MAP2K5: variants seen among roughly 807,000 people sequenced by gnomAD.
MAP2K5 encodes dual specificity mitogen-activated protein kinase kinase 5.
Under a neutral mutation model 83.1 loss-of-function variants are expected in MAP2K5, and 49 were observed. The observed-to-expected ratio is 0.59, with a 90% CI of 0.47 to 0.75. The LOEUF (loss-of-function observed/expected upper bound fraction) is 0.75, where lower values mean the gene tolerates loss of function less well. Ranked by LOEUF, MAP2K5 falls within the 30% of genes least tolerant of loss-of-function variation. MAP2K5 has a pLI of 0.00. For synonymous variants in MAP2K5, 202 were observed against 191.8 expected (o/e 1.05, Z -0.44); for missense variants, 457 against 557.5 (o/e 0.82, Z 1.82).
rs1459770713 is a variant in MAP2K5, at chr15:67,769,218, G to A, written c.1135-384G>A. 6.6e-6 allele frequency among the ~76,000 whole-genome samples: 1 copy of A among 152,102 alleles called. No individual in the cohort carries two copies. Among genetic ancestry groups the A allele is most frequent in the African/African-American group, 2.4e-5 (1 of 41,420 alleles). ...AAAGTGTAAATAAATAGCAAATCCA[G>A]TAAAAGAAACAAAGGTCAACACAAG... On this transcript the variant is annotated intron_variant, in intron 19 of 21. Coordinates refer to ENST00000178640, the MANE Select transcript of MAP2K5 (RefSeq NM_145160.3). The surrounding 1 kb of genome is among the most constrained non-coding windows in gnomAD (Gnocchi z 5.2).
At position 67,686,571 on chromosome 15, in the gene MAP2K5, C is replaced by T. The variant is rs143341514; in HGVS notation, c.848-5908C>T. The stretch of plus-strand genomic sequence containing the variant: ...TGAGCCAAGATCACATCACTGCACT[C>T]CAGCCTGGGCAACAGAGTGAGACTG... On this transcript the variant is annotated intron_variant, in intron 13 of 21. Transcript: ENST00000178640. 3.1e-3 allele frequency among the ~76,000 whole-genome samples: 478 copies of T among 151,936 alleles called. 6 individuals carry two copies. The highest frequency in any genetic ancestry group is 0.011 in the African/African-American group (448 of 41,378).
chr15:67,637,909 G>GGT lies in MAP2K5; in HGVS notation c.585+6982_585+6983insGT, dbSNP rs2086637363. Reference sequence around the variant, plus strand: ...AATGTCCAATGTCTGGAAGCCTGTTGATGTGTGTGTGAGTGTGTGTGTATG... The same window carrying GGT: ...AATGTCCAATGTCTGGAAGCCTGTTGGTATGTGTGTGTGAGTGTGTGTGTATG... On this transcript the variant is annotated intron_variant, in intron 9 of 21. Transcript: ENST00000178640. The surrounding 1 kb of genome is among the most constrained non-coding windows in gnomAD (Gnocchi z 4.5). 7.4e-5 allele frequency among the ~76,000 whole-genome samples: 2 copies of GGT among 27,084 alleles called. No individual in the cohort carries two copies. Among genetic ancestry groups the GGT allele is most frequent in the African/African-American group, 2.4e-4 (2 of 8,372 alleles). The allele number at this position is 27,084 out of a possible 152,430, so 17.8% of individuals were successfully genotyped here.
chr15:67,766,198 G>A (rs183364135), intron 19 of MAP2K5, among the ~76,000 whole-genome samples: 1 of 152,294 alleles, frequency 6.6e-6, no homozygotes, highest in Admixed American at 6.5e-5. Flanking sequence ...CCCAGCTTGT[G>A]TCCCTTCAGC....
In MAP2K5 at chr15:67,708,049, C is replaced by T. The variant is rs937119943; in HGVS notation, c.1044+4641C>T. Among the ~76,000 whole-genome samples, 5 of 152,182 alleles carry T rather than the reference C, an allele frequency of 3.3e-5. No individual in the cohort carries two copies. Among genetic ancestry groups the T allele is most frequent in the Non-Finnish European group, 5.9e-5 (4 of 68,030 alleles). ...ATCAAATACAGGCTAGGCCTGGCGG[C>T]TCATTCCTGTAATACCAGCACTTTG... On this transcript the variant is annotated intron_variant, in intron 16 of 21. Transcript: ENST00000178640. This position sits in a 1 kb window ranked among gnomAD's most constrained non-coding sequence, Gnocchi z 4.9.
At chr15:67,544,200 A>C (rs1306265197) in intron 1 of MAP2K5, among the ~76,000 whole-genome samples, 1 of 152,218 alleles carries the variant, frequency 6.6e-6, no homozygotes, top group East Asian at 1.9e-4. Flanking sequence ...GCCTGAGCAA[A>C]CTTAAAGCAT....
At chr15:67,601,332 G>T (rs1407948918) in intron 8 of MAP2K5, among the ~76,000 whole-genome samples, 1 of 152,144 alleles carries the variant, frequency 6.6e-6, no homozygotes, top group African/African-American at 2.4e-5. Context: ...CTTAAAAAAT[G>T]CTAGCCATAA....
intron 16 of MAP2K5, among the ~76,000 whole-genome samples, chr15:67,707,127 G>A (rs2088574180): frequency 6.6e-6 from 1 of 152,162 alleles, no homozygotes; most frequent in African/African-American, 2.4e-5. Context: ...ATGTTAGCCA[G>A]GATGGCCTCG....
intron 19 of MAP2K5, among the ~76,000 whole-genome samples, chr15:67,765,845 G>T (rs2090031857): frequency 1.3e-5 from 2 of 152,194 alleles, no homozygotes; most frequent in Non-Finnish European, 2.9e-5. Flanking sequence ...TACCCAGAGA[G>T]AGTCCAGTTG....
chr15:67,790,269 C>T lies in MAP2K5; in HGVS notation c.1243-16377C>T, dbSNP rs985874565. 3.3e-5 allele frequency among the ~76,000 whole-genome samples: 5 copies of T among 152,244 alleles called. No homozygotes were observed. In the East Asian group the frequency reaches 9.6e-4, roughly 29 times the overall value. On this transcript the variant is annotated intron_variant, in intron 21 of 21. Transcript: ENST00000178640. This position sits in a 1 kb window ranked among gnomAD's most constrained non-coding sequence, Gnocchi z 4.6. ...TCCTGATGGAGCCCTGACCAGCAAG[C>T]GTGCAATGCCCCTAGCCCTAATGTG...
At position 67,748,194 on chromosome 15, in the gene MAP2K5, G is replaced by T. The variant is rs772521580; in HGVS notation, c.1075-37G>T. 5 of 1,528,552 alleles carry T rather than the reference G, an allele frequency of 3.3e-6. No homozygotes were observed. The highest frequency in any genetic ancestry group is 2.3e-5 in the South Asian group (2 of 87,802). The allele number at this position is 1,528,552 out of a possible 1,614,324, so 94.7% of individuals were successfully genotyped here. On this transcript the variant is annotated intron_variant, in intron 17 of 21. Coordinates refer to ENST00000178640, the MANE Select transcript of MAP2K5 (RefSeq NM_145160.3). This position sits in a 1 kb window ranked among gnomAD's most constrained non-coding sequence, Gnocchi z 4.0. ...ATAATGTGTCCAAGTGAGTCATTTT[G>T]ATTATGACATGCTAATTACATATTG...
intron 11 of MAP2K5, among the ~76,000 whole-genome samples, chr15:67,651,226 T>G (rs1377105472): frequency 1.3e-5 from 2 of 152,092 alleles, no homozygotes; most frequent in Non-Finnish European, 2.9e-5. Context: ...AATAAATAAA[T>G]CAATCAAAAT....
intron 5 of MAP2K5, 82 bp downstream of exon 5, chr15:67,586,012 T>G: frequency 7.9e-7 from 1 of 1,272,618 alleles, no homozygotes; most frequent in Non-Finnish European, 1.1e-6. Context: ...CAAATAAAAC[T>G]GCACTTTCTC....
intron 21 of MAP2K5, among the ~76,000 whole-genome samples, chr15:67,805,074 A>G (rs1277158677): frequency 6.6e-6 from 1 of 152,118 alleles, no homozygotes; most frequent in Non-Finnish European, 1.5e-5. Flanking sequence ...AGATTATGGG[A>G]AGTACCCAGC....
rs531074617 is a variant in MAP2K5, at chr15:67,740,807, C to T, written c.1075-7424C>T. Among the ~76,000 whole-genome samples the T allele has an allele frequency of 1.3e-3, 191 of 152,186 alleles. 3 individuals carry two copies. Among genetic ancestry groups the T allele is most frequent in the African/African-American group, 4.2e-3 (176 of 41,512 alleles). Reference sequence around the variant, plus strand: ...CTTTGGGAGGCTGAGACAGGCAGATCGCTTGAGGCCAAGAGTTCAAGACCA... The same window carrying T: ...CTTTGGGAGGCTGAGACAGGCAGATTGCTTGAGGCCAAGAGTTCAAGACCA... On this transcript the variant is annotated intron_variant, in intron 17 of 21. Coordinates refer to ENST00000178640, the MANE Select transcript of MAP2K5 (RefSeq NM_145160.3).
chr15:67,788,903 T>C (rs2090464437), intron 21 of MAP2K5, among the ~76,000 whole-genome samples: 1 of 150,138 alleles, frequency 6.7e-6, no homozygotes, highest in Non-Finnish European at 1.5e-5. Context: ...GCCCATGAGG[T>C]AGAGGATGCA....
chr15:67,628,435 G>A (rs1321001273), intron 8 of MAP2K5: 22 of 555,402 alleles, frequency 4.0e-5, no homozygotes, highest in Middle Eastern at 4.9e-4. Context: ...AGCCAAGATC[G>A]TGCCACTGCT....
chr15:67,788,172 T>C (rs1290885560), intron 21 of MAP2K5, among the ~76,000 whole-genome samples: 1 of 152,226 alleles, frequency 6.6e-6, no homozygotes, highest in African/African-American at 2.4e-5. Flanking sequence ...ACTACTTTGC[T>C]TTATATATTT....
chr15:67,796,753 A>G (rs1442621032), intron 21 of MAP2K5, among the ~76,000 whole-genome samples: 2 of 152,210 alleles, frequency 1.3e-5, no homozygotes, highest in African/African-American at 2.4e-5. Context: ...AGCTTCAATT[A>G]TATATAATAA....
rs905758876 is a variant in MAP2K5 at position 67,552,568 on chromosome 15, G to C, written c.184+2486G>C. On this transcript the variant is annotated intron_variant, in intron 2 of 21. Transcript: ENST00000178640. The surrounding 1 kb of genome is among the most constrained non-coding windows in gnomAD (Gnocchi z 4.2). ...TCCTGCCTCAGCCTCCCGAGTAGCT[G>C]GGACTACAGGCACCCACCTCCACAC... Among the ~76,000 whole-genome samples the C allele has an allele frequency of 5.3e-5, 8 of 152,040 alleles. No individual in the cohort carries two copies. The highest frequency in any genetic ancestry group is 1.7e-4 in the African/African-American group (7 of 41,378).
Sources: gnomAD v4.1 joint callset for allele counts (sites outside exome capture counted in the v4.1 genomes callset) on GRCh38, gnomAD v4.1.1 for gene constraint, Gnocchi (gnomAD v3.1) non-coding constraint, MANE v1.5 for transcripts, NCBI Gene and HGNC (gene_info 2026-07-23, HGNC 2026-07-21) for gene names.